Variants in SOX6 observed in about 807,000 individuals in gnomAD.
The protein encoded by SOX6 is transcription factor SOX-6.
A neutral mutation model predicts 97.8 loss-of-function variants in SOX6; 11 were observed. That is an observed-to-expected ratio of 0.11 (90% confidence interval 0.07 to 0.19). The LOEUF is 0.19. Among genes scored for constraint, SOX6 ranks in the 10% least tolerant of loss-of-function variants. The pLI, the probability that SOX6 is intolerant of heterozygous loss-of-function variation, is 1.00. For missense variants in SOX6, 810 were observed against 1,039.5 expected, an observed-to-expected ratio of 0.78 and a Z score of 3.04; for synonymous variants, 360 against 371.4, an observed-to-expected ratio of 0.97 and a Z score of 0.35.
intron 3 of SOX6, among the ~76,000 whole-genome samples, chr11:16,674,938 CAG>C (rs1242225499): frequency 6.6e-6 from 1 of 152,130 alleles, no homozygotes; most frequent in Admixed American, 6.6e-5. Context: ...GCCTGGGTGA[CAG>C]GGTGAGACTC....
At chr11:16,452,449 G>T (rs920859290) in intron 1 of SOX6, among the ~76,000 whole-genome samples, 1 of 152,146 alleles carries the variant, frequency 6.6e-6, no homozygotes, top group African/African-American at 2.4e-5. Context: ...TAAACTATAT[G>T]AATTTATTCA....
At chr11:16,497,362 G>A (rs1860618737) in intron 4 of SOX6, among the ~76,000 whole-genome samples, 1 of 152,058 alleles carries the variant, frequency 6.6e-6, no homozygotes, top group South Asian at 2.1e-4. Flanking sequence ...CCACAAAGAT[G>A]GGGAAAAAAC....
intron 1 of SOX6, chr11:16,465,634 A>C (rs1041481602): frequency 6.6e-5 from 10 of 152,202 alleles, no homozygotes. Context: ...GGTTCCATTA[A>C]TGCTGTTGCT....
At chr11:16,517,348 G>A (rs1430161193) in intron 4 of SOX6, among the ~76,000 whole-genome samples, 1 of 151,560 alleles carries the variant, frequency 6.6e-6, no homozygotes, top group Non-Finnish European at 1.5e-5. Flanking sequence ...GCAGGAGAAG[G>A]AAATAAAGGG....
Position 16,125,359 on chromosome 11 carries a change from A to T in SOX6, c.778-13436T>A, listed in dbSNP as rs575845848. On this transcript the variant is annotated intron_variant, in intron 6 of 15. Coordinates refer to ENST00000683767, the MANE Select transcript of SOX6 (RefSeq NM_001367873.1). ...TCAGTCTCTGTGTAGGAAGTATAGG[A>T]ATATTTAAAATAATTCAAGTTACCT... 1.4e-3 allele frequency among the ~76,000 whole-genome samples: 210 copies of T among 152,240 alleles called. 1 individual carries two copies. The highest frequency in any genetic ancestry group is 4.7e-3 in the African/African-American group (196 of 41,578).
chr11:16,686,476 A>G (rs187176245), intron 3 of SOX6, among the ~76,000 whole-genome samples: 8 of 152,328 alleles, frequency 5.3e-5, no homozygotes, highest in Admixed American at 2.0e-4. Flanking sequence ...TAGGGCATGG[A>G]CACAATACAC....
At chr11:16,277,664 G>A (rs1854439202) in intron 3 of SOX6, among the ~76,000 whole-genome samples, 1 of 152,162 alleles carries the variant, frequency 6.6e-6, no homozygotes. Context: ...GCCTATAGCT[G>A]CTCCAAAGAC....
intron 3 of SOX6, among the ~76,000 whole-genome samples, chr11:16,263,536 T>C (rs780953187): frequency 6.6e-6 from 1 of 151,982 alleles, no homozygotes; most frequent in Non-Finnish European, 1.5e-5. Context: ...TAATCCATAG[T>C]ACCTGAGAGT....
chr11:16,563,705 A>C (rs1386888655), intron 4 of SOX6, among the ~76,000 whole-genome samples: 1 of 152,228 alleles, frequency 6.6e-6, no homozygotes, highest in Non-Finnish European at 1.5e-5. Context: ...TACTCAAAGG[A>C]ATAATAATTG....
chr11:16,211,019 T>G (rs1209715077), intron 4 of SOX6, among the ~76,000 whole-genome samples: 1 of 151,906 alleles, frequency 6.6e-6, no homozygotes, highest in East Asian at 1.9e-4. Flanking sequence ...TACTTAGGAG[T>G]AGAGAATTCT....
intron 11 of SOX6, among the ~76,000 whole-genome samples, chr11:16,049,447 C>G (rs182814964): frequency 6.6e-6 from 1 of 152,064 alleles, no homozygotes; most frequent in Non-Finnish European, 1.5e-5. Flanking sequence ...GAAGCCAGGT[C>G]CTATGTCCCT....
chr11:16,410,237 T>C (rs1181263978), intron 1 of SOX6, among the ~76,000 whole-genome samples: 1 of 152,172 alleles, frequency 6.6e-6, no homozygotes, highest in East Asian at 1.9e-4. Flanking sequence ...AGTTTCTAAA[T>C]CTTAAATGAG....
intron 1 of SOX6, among the ~76,000 whole-genome samples, chr11:16,380,838 A>G (rs1857790936): frequency 6.6e-6 from 1 of 152,106 alleles, no homozygotes. Flanking sequence ...GATAAAAATA[A>G]CATACTGACA....
At chr11:16,512,534 T>C (rs1860896048) in intron 4 of SOX6, among the ~76,000 whole-genome samples, 1 of 151,768 alleles carries the variant, frequency 6.6e-6, no homozygotes, top group African/African-American at 2.4e-5. Context: ...ATAATTGTGA[T>C]TATTTAAGAA....
chr11:16,592,002 A>C (rs1848159994), intron 4 of SOX6, among the ~76,000 whole-genome samples: 1 of 152,140 alleles, frequency 6.6e-6, no homozygotes, highest in Non-Finnish European at 1.5e-5. Context: ...CGATTATAGG[A>C]TTTGGGAGAC....
intron 12 of SOX6, among the ~76,000 whole-genome samples, chr11:16,036,161 C>T (rs189808541): frequency 6.6e-6 from 1 of 150,632 alleles, no homozygotes; most frequent in African/African-American, 2.5e-5. Context: ...CTCACCGCAA[C>T]CTCTGCCTCC....
intron 7 of SOX6, among the ~76,000 whole-genome samples, chr11:16,103,658 T>TA (rs1491342833): frequency 1.3e-5 from 2 of 150,436 alleles, no homozygotes; most frequent in African/African-American, 2.4e-5. Context: ...GAAAATGTGG[T>TA]ATATATATAT....
chr11:16,565,097 C>T (rs1847855318), intron 4 of SOX6, among the ~76,000 whole-genome samples: 1 of 151,932 alleles, frequency 6.6e-6, no homozygotes, highest in African/African-American at 2.4e-5. Context: ...CACAAATTAC[C>T]AATATTAGTA....
At chr11:16,233,770 G>C (rs575481702) in intron 4 of SOX6, among the ~76,000 whole-genome samples, 1 of 152,138 alleles carries the variant, frequency 6.6e-6, no homozygotes, top group African/African-American at 2.4e-5. Flanking sequence ...AGCAATTTGG[G>C]AGGCCAAGAC....
Sources: gnomAD v4.1 joint callset for allele counts (sites outside exome capture counted in the v4.1 genomes callset) on GRCh38, gnomAD v4.1.1 for gene constraint, MANE v1.5 for transcripts, NCBI Gene and HGNC (gene_info 2026-07-23, HGNC 2026-07-21) for gene names.